The following CLIC2 variants were observed in gnomAD, a reference collection of about 807,000 sequenced individuals.
CLIC2 encodes the protein chloride intracellular channel protein 2.
Under a neutral mutation model 14.8 loss-of-function variants are expected in CLIC2, and 9 were observed. That is an observed-to-expected ratio of 0.61 (90% CI 0.37 to 1.06). The LOEUF is 1.06. Ranked by LOEUF, CLIC2 falls within the 50% of genes least tolerant of loss-of-function variation. The probability of loss-of-function intolerance (pLI) is 0.01; values close to 1 mark genes in which losing one functional copy is unlikely to be tolerated. For synonymous variants in CLIC2, 61 were observed against 66.3 expected, an observed-to-expected ratio of 0.92 and a Z score of 0.39; for missense variants, 148 against 181.4, an observed-to-expected ratio of 0.82 and a Z score of 1.06.
intron 3 of CLIC2, chrX:155,290,795 T>C (rs2074961620): frequency 8.0e-6 from 5 of 621,844 alleles, no homozygotes; most frequent in Middle Eastern, 4.8e-4. Flanking sequence ...AGTTCAGCTG[T>C]TATTTATTTT....
chrX:155,277,483 T>G lies in CLIC2; in HGVS notation c.*420A>C. On this transcript the variant is annotated 3_prime_UTR_variant, in exon 6 of 6. Coordinates refer to ENST00000369449, the MANE Select transcript of CLIC2 (RefSeq NM_001289.6). ...ATTATTTATATCAGAAATAAACTCA[T>G]GTATATATTAAACTAACAAAAATGT... 7.6e-6 allele frequency: 1 copy of G among 130,944 alleles called. No individual in the cohort carries two copies. Among genetic ancestry groups the G allele is most frequent in the South Asian group, 2.4e-4 (1 of 4,230 alleles). 10.8% of individuals were successfully genotyped at this position (130,944 alleles called of 1,213,427 possible). A position where few individuals can be genotyped will look rare whatever the true frequency, so the allele number is the denominator to read the frequency against.
At chrX:155,301,436 G>A (rs1351245409) in intron 1 of CLIC2, among the ~76,000 whole-genome samples, 11 of 110,868 alleles carry the variant, frequency 9.9e-5, no homozygotes, top group African/African-American at 1.6e-4. Flanking sequence ...TTTGTATCCC[G>A]AGACTTTGCT....
At chrX:155,280,988 G>GAT (rs1557316366) in intron 3 of CLIC2, among the ~76,000 whole-genome samples, 1 of 54,805 alleles carries the variant, frequency 1.8e-5, no homozygotes, top group African/African-American at 7.2e-5. Flanking sequence ...TAGAAATTGT[G>GAT]AGATATATAT....
intron 1 of CLIC2, among the ~76,000 whole-genome samples, chrX:155,323,644 C>T (rs2075125779): frequency 8.9e-6 from 1 of 112,011 alleles, no homozygotes; most frequent in Admixed American, 9.5e-5. Context: ...CCCTCTCTCA[C>T]CACTCCTATT....
intron 1 of CLIC2, among the ~76,000 whole-genome samples, chrX:155,299,844 G>A (rs2124177862): frequency 9.7e-6 from 1 of 103,277 alleles, no homozygotes; most frequent in African/African-American, 3.5e-5. Context: ...TTTTGTTCTT[G>A]CGATAGTTTA....
At chrX:155,302,449 G>A (rs1371113916) in intron 1 of CLIC2, among the ~76,000 whole-genome samples, 154 of 108,009 alleles carry the variant, frequency 1.4e-3, no homozygotes, top group Non-Finnish European at 1.6e-3. Context: ...TTTTTATTGC[G>A]TCTATTTGAT....
chrX:155,302,375 T>C (rs2124182591), intron 1 of CLIC2, among the ~76,000 whole-genome samples: 1 of 110,349 alleles, frequency 9.1e-6, no homozygotes, highest in African/African-American at 3.3e-5. Flanking sequence ...GTAGAGGTGT[T>C]TGTAGTATTC....
At chrX:155,305,281 C>G (rs782735058) in intron 1 of CLIC2, among the ~76,000 whole-genome samples, 2 of 112,167 alleles carry the variant, frequency 1.8e-5, no homozygotes, top group South Asian at 7.4e-4. Flanking sequence ...ATGTGGTGCG[C>G]CGTTTTTTAA....
intron 3 of CLIC2, among the ~76,000 whole-genome samples, chrX:155,286,122 C>T (rs1557317062): frequency 8.9e-6 from 1 of 112,063 alleles, no homozygotes; most frequent in Non-Finnish European, 1.9e-5. Context: ...CTGCTCCTTT[C>T]CCTCCTCCAA....
intron 3 of CLIC2, among the ~76,000 whole-genome samples, chrX:155,282,525 G>C (rs2074923779): frequency 9.0e-6 from 1 of 110,688 alleles, no homozygotes; most frequent in Non-Finnish European, 1.9e-5. Context: ...CCACAGACTT[G>C]GGCAGTAGGC....
chrX:155,331,763 T>C (rs782099578), intron 1 of CLIC2, among the ~76,000 whole-genome samples: 1 of 111,074 alleles, frequency 9.0e-6, no homozygotes, highest in South Asian at 3.8e-4. Flanking sequence ...CCAGACACCA[T>C]ACTCTTAAAC....
At chrX:155,284,362 C>T (rs111824428) in intron 3 of CLIC2, among the ~76,000 whole-genome samples, 1 of 107,355 alleles carries the variant, frequency 9.3e-6, no homozygotes, top group Non-Finnish European at 1.9e-5. Flanking sequence ...CAGGTTCAAG[C>T]GATTCTCCTG....
intron 1 of CLIC2, among the ~76,000 whole-genome samples, chrX:155,318,326 G>A (rs1286502867): frequency 1.8e-5 from 2 of 111,810 alleles, no homozygotes; most frequent in Non-Finnish European, 3.8e-5. Flanking sequence ...CATCCAAAAA[G>A]CTCCTAGAAC....
At chrX:155,334,241 C>CA in intron 1 of CLIC2, 130 bp downstream of exon 1, 2 of 561,438 alleles carry the variant, frequency 3.6e-6, no homozygotes, top group Non-Finnish European at 6.3e-6. Context: ...TTCTAGAACT[C>CA]AGAGTAGGAA....
intron 3 of CLIC2, among the ~76,000 whole-genome samples, chrX:155,284,374 C>G (rs2074933472): frequency 9.2e-6 from 1 of 108,759 alleles, no homozygotes; most frequent in African/African-American, 3.4e-5. Flanking sequence ...ATTCTCCTGC[C>G]TCAGCCTCCC....
Position 155,334,358 on chromosome X carries a change from C to T in CLIC2, c.57+13G>A. The T allele has an allele frequency of 1.7e-6, 2 of 1,188,724 alleles. No homozygotes were observed. The highest frequency in any genetic ancestry group is 2.3e-6 in the Non-Finnish European group (2 of 874,730). On this transcript the variant is annotated intron_variant, in intron 1 of 5. Coordinates refer to ENST00000369449, the MANE Select transcript of CLIC2 (RefSeq NM_001289.6). ...TATATTCTACATGCAGTTATTATAA[C>T]TGGAAAACTTACCTTTACAAAAAGC...
chrX:155,318,018 A>C (rs1204418529), intron 1 of CLIC2, among the ~76,000 whole-genome samples: 4 of 111,944 alleles, frequency 3.6e-5, no homozygotes, highest in African/African-American at 1.3e-4. Flanking sequence ...CTTTATGATT[A>C]AAACCTTCAG....
At chrX:155,304,136 A>C (rs1489576014) in intron 1 of CLIC2, among the ~76,000 whole-genome samples, 1 of 107,249 alleles carries the variant, frequency 9.3e-6, no homozygotes, top group East Asian at 2.9e-4. Flanking sequence ...CTGCCTTGCT[A>C]GATTGGGGAA....
chrX:155,313,209 A>C lies in CLIC2; in HGVS notation c.58-14064T>G, dbSNP rs781808048. On this transcript the variant is annotated intron_variant, in intron 1 of 5. Coordinates refer to ENST00000369449, the MANE Select transcript of CLIC2 (RefSeq NM_001289.6). ...TATATAAATAAGGCAAAAAAAAAAA[A>C]AAAAAACAAAACTACTGTCAAAGTT... Among the ~76,000 whole-genome samples, 62 of 109,173 alleles carry C rather than the reference A, an allele frequency of 5.7e-4. No homozygotes were observed. In the East Asian group the frequency reaches 7.8e-3, roughly 14 times the overall value. 94.8% of individuals were successfully genotyped at this position (109,173 alleles called of 115,157 possible).
Sources: gnomAD v4.1 joint callset for allele counts (sites outside exome capture counted in the v4.1 genomes callset) on GRCh38, gnomAD v4.1.1 for gene constraint, MANE v1.5 for transcripts, NCBI Gene and HGNC (gene_info 2026-07-23, HGNC 2026-07-21) for gene names.